Variants in NAGS observed in about 807,000 individuals in gnomAD.
NAGS encodes the protein N-acetylglutamate synthase.
In NAGS, 34 loss-of-function variants were observed where a neutral mutation model predicts 46.9. That is an observed-to-expected ratio of 0.72 (90% CI 0.55 to 0.97). The LOEUF is 0.97. NAGS is among the 50% of genes least tolerant of loss of function. The pLI is 0.00. For synonymous variants in NAGS, 334 were observed against 346.3 expected, an observed-to-expected ratio of 0.96 and a Z score of 0.39; for missense variants, 665 against 747.0, an observed-to-expected ratio of 0.89 and a Z score of 1.28.
In NAGS at chr17:44,005,979, G is replaced by C. The variant is rs748963460; in HGVS notation, c.702-45G>C. The stretch of plus-strand genomic sequence containing the variant: ...TACTCTGCCCGCCCTGCCCCGTCCG[G>C]CAGGCCTGGAGGGGGCCCTCTCGAG... On this transcript the variant is annotated intron_variant, in intron 2 of 6. Coordinates refer to ENST00000293404, the MANE Select transcript of NAGS (RefSeq NM_153006.3). This position sits in a 1 kb window ranked among gnomAD's most constrained non-coding sequence, Gnocchi z 7.2. 4 of 1,561,342 alleles carry C rather than the reference G, an allele frequency of 2.6e-6. No homozygotes were observed. The South Asian group carries it at 3.5e-5, about 14-fold the overall frequency.
In NAGS at chr17:44,006,465, G is replaced by A. The variant is rs2143986537; in HGVS notation, c.916-64G>A. 1 of 1,541,720 alleles carries A rather than the reference G, an allele frequency of 6.5e-7. No homozygotes were observed. Among genetic ancestry groups the A allele is most frequent in the East Asian group, 2.4e-5 (1 of 40,836 alleles). Reference sequence around the variant, plus strand: ...AAGGGGTCAGAGAAAAGAGAGGTCCGTGGGGGTAGGGGGGCAGTCCGTGCC... The same window carrying A: ...AAGGGGTCAGAGAAAAGAGAGGTCCATGGGGGTAGGGGGGCAGTCCGTGCC... On this transcript the variant is annotated intron_variant, in intron 3 of 6. Transcript: ENST00000293404. The surrounding 1 kb of genome is among the most constrained non-coding windows in gnomAD (Gnocchi z 4.8).
Position 44,007,269 on chromosome 17 carries a change from CA to C in NAGS, c.1097-53del. ...CGCCTGTCCTACCTGCAGTCCCCAC[CA>C]GGCTGCGCAAACGGCCCTCCAGCCA... On this transcript the variant is annotated intron_variant, in intron 4 of 6. Coordinates refer to ENST00000293404, the MANE Select transcript of NAGS (RefSeq NM_153006.3). This position sits in a 1 kb window ranked among gnomAD's most constrained non-coding sequence, Gnocchi z 5.1. 6.3e-7 allele frequency: 1 copy of C among 1,585,262 alleles called. No homozygotes were observed. The highest frequency in any genetic ancestry group is 1.1e-5 in the South Asian group (1 of 88,564).
At position 44,007,863 on chromosome 17, in the gene NAGS, C is replaced by T; in HGVS notation, c.1451+90C>T. Reference sequence around the variant, plus strand: ...AACCATGCCAAGAAGGCTGGGCTTCCTCTTCTTCCACTGGTCTCCCTTTCA... The same window carrying T: ...AACCATGCCAAGAAGGCTGGGCTTCTTCTTCTTCCACTGGTCTCCCTTTCA... On this transcript the variant is annotated intron_variant, in intron 6 of 6. Transcript: ENST00000293404. The surrounding 1 kb of genome is among the most constrained non-coding windows in gnomAD (Gnocchi z 5.1). The T allele has an allele frequency of 7.4e-7, 1 of 1,347,496 alleles. No individual in the cohort carries two copies. The highest frequency in any genetic ancestry group is 1.0e-6 in the Non-Finnish European group (1 of 962,744). 83.5% of individuals were successfully genotyped at this position (1,347,496 alleles called of 1,614,324 possible). A position where few individuals can be genotyped will look rare whatever the true frequency, so the allele number is the denominator to read the frequency against.
Position 44,007,498 on chromosome 17 carries a change from A to G in NAGS, c.1268+4A>G. The G allele has an allele frequency of 6.2e-7, 1 of 1,613,632 alleles. No homozygotes were observed. Among genetic ancestry groups the G allele is most frequent in the Non-Finnish European group, 8.5e-7 (1 of 1,179,922 alleles). ...ACTCCATCTACGTCTCCGAGGGGTAAGCCTGCGGACCCCAGAGGGCGGGGT... is the reference window on the plus strand; with the variant it reads ...ACTCCATCTACGTCTCCGAGGGGTAGGCCTGCGGACCCCAGAGGGCGGGGT... On this transcript the variant is annotated splice_donor_region_variant and intron_variant, in intron 5 of 6. Transcript: ENST00000293404. This position sits in a 1 kb window ranked among gnomAD's most constrained non-coding sequence, Gnocchi z 5.1.
chr17:44,006,661 G>T lies in NAGS; in HGVS notation c.1048G>T (p.Val350Phe). ...LSRLPHHSSAVITAASTLLTE... is the reference protein window; with the variant it reads ...LSRLPHHSSAFITAASTLLTE... ...CCGCCTGCCCCACCACTCCTCGGCC[G>T]TCATCACCGCCGCTAGCACGCTGCT... The change falls in exon 4 of 7, where the codon GTC (valine) becomes TTC (phenylalanine). Residue 350 changes from valine to phenylalanine, a missense_variant. Val to Phe is a conservative substitution (Grantham distance 50, BLOSUM62 -1). Transcript: ENST00000293404. The surrounding 1 kb of genome is among the most constrained non-coding windows in gnomAD (Gnocchi z 4.8). 1 of 1,607,360 alleles carries T rather than the reference G, an allele frequency of 6.2e-7. No individual in the cohort carries two copies. Among genetic ancestry groups the T allele is most frequent in the South Asian group, 1.1e-5 (1 of 90,774 alleles).
In NAGS at chr17:44,007,361, C is replaced by T. The variant is rs2049107167; in HGVS notation, c.1135C>T (p.Arg379Trp). ...GTTCAAGAACGCCGAGCGAATGCTACGGGTGCGCAGCCTGGACAAGCTGGA... is the reference window on the plus strand; with the variant it reads ...GTTCAAGAACGCCGAGCGAATGCTATGGGTGCGCAGCCTGGACAAGCTGGA... ...TLFKNAERML[R>W]VRSLDKLDQG... The change falls in exon 5 of 7, where the codon CGG becomes TGG. Residue 379 changes from arginine to tryptophan, a missense_variant. Arg to Trp is a moderately radical substitution (Grantham distance 101, BLOSUM62 -3). Transcript: ENST00000293404. This position sits in a 1 kb window ranked among gnomAD's most constrained non-coding sequence, Gnocchi z 5.1. 1.2e-6 allele frequency: 2 copies of T among 1,601,034 alleles called. No individual in the cohort carries two copies. The highest frequency in any genetic ancestry group is 1.3e-5 in the African/African-American group (1 of 74,290).
intron 6 of NAGS, 100 bp from the exon 7 acceptor site, chr17:44,008,348 A>G: frequency 7.1e-7 from 1 of 1,412,148 alleles, no homozygotes; most frequent in Non-Finnish European, 1.0e-6. Context: ...CCCAGCATGC[A>G]GTAGGTCCTC....
In NAGS at chr17:44,006,817, G is replaced by T. The variant is rs2049099173; in HGVS notation, c.1096+108G>T. On this transcript the variant is annotated intron_variant, in intron 4 of 6. Coordinates refer to ENST00000293404, the MANE Select transcript of NAGS (RefSeq NM_153006.3). The surrounding 1 kb of genome is among the most constrained non-coding windows in gnomAD (Gnocchi z 4.8). ...CTTCTCCTCCTGTCCAGGAGCCGTAGGGGGAGGCGGGGGGTGTCACAGCAA... is the reference window on the plus strand; with the variant it reads ...CTTCTCCTCCTGTCCAGGAGCCGTATGGGGAGGCGGGGGGTGTCACAGCAA... 5.9e-6 allele frequency: 7 copies of T among 1,194,538 alleles called. No homozygotes were observed. The highest frequency in any genetic ancestry group is 1.5e-5 in the African/African-American group (1 of 66,212). The allele number at this position is 1,194,538 out of a possible 1,614,324, so 74.0% of individuals were successfully genotyped here.
rs377138883 is a variant in NAGS, at chr17:44,007,800, G to C, written c.1451+27G>C. 6.0e-4 allele frequency: 937 copies of C among 1,566,870 alleles called. 1 individual carries two copies. The African/African-American group carries it at 7.3e-3, about 12-fold the overall frequency. ...TAGGTCCTGCCACTCCCAGCTCTGG[G>C]CTGGGCCCTGACTTCCCTCCCCTCT... is the stretch of plus-strand genomic sequence containing the variant. On this transcript the variant is annotated intron_variant, in intron 6 of 6. Coordinates refer to ENST00000293404, the MANE Select transcript of NAGS (RefSeq NM_153006.3). This position sits in a 1 kb window ranked among gnomAD's most constrained non-coding sequence, Gnocchi z 5.1.
In NAGS at chr17:44,005,419, A is replaced by C. The variant is rs886507459; in HGVS notation, c.427-218A>C. 6.6e-6 allele frequency among the ~76,000 whole-genome samples: 1 copy of C among 152,200 alleles called. No individual in the cohort carries two copies. ...CTCCCCCAAAGATGTCCCGGAGTCC[A>C]AGGTCGGAGGGAGGAGGGCGGGAGG... On this transcript the variant is annotated intron_variant, in intron 1 of 6. Coordinates refer to ENST00000293404, the MANE Select transcript of NAGS (RefSeq NM_153006.3). The surrounding 1 kb of genome is among the most constrained non-coding windows in gnomAD (Gnocchi z 7.2).
At position 44,006,741 on chromosome 17, in the gene NAGS, C is replaced by G. The variant is rs1201607660; in HGVS notation, c.1096+32C>G. 1 of 1,571,060 alleles carries G rather than the reference C, an allele frequency of 6.4e-7. No homozygotes were observed. Among genetic ancestry groups the G allele is most frequent in the Non-Finnish European group, 8.7e-7 (1 of 1,155,610 alleles). On this transcript the variant is annotated intron_variant, in intron 4 of 6. Transcript: ENST00000293404. The surrounding 1 kb of genome is among the most constrained non-coding windows in gnomAD (Gnocchi z 4.8). The stretch of plus-strand genomic sequence containing the variant: ...GCGGTGGGCGGGCCGGGGACTGGGT[C>G]CCGGGAGTGAGTACTGGCCGGGGCT...
rs766576386 is a variant in NAGS, at chr17:44,007,665, G to C, written c.1343G>C (p.Ser448Thr). The C allele has an allele frequency of 6.2e-7, 1 of 1,602,490 alleles. No individual in the cohort carries two copies. Among genetic ancestry groups the C allele is most frequent in the Admixed American group, 1.7e-5 (1 of 58,690 alleles). The change falls in exon 6 of 7, where the codon AGC becomes ACC. Residue 448 changes from serine (S) to threonine (T), a missense_variant. By Grantham distance (58) the Ser-to-Thr change is moderately conservative. Transcript: ENST00000293404. The surrounding 1 kb of genome is among the most constrained non-coding windows in gnomAD (Gnocchi z 5.1). ...CCGTACCTGGACAAATTTGTGGTGAGCTCCAGCCGCCAGGGCCAAGGCTCC... is the reference window on the plus strand; with the variant it reads ...CCGTACCTGGACAAATTTGTGGTGACCTCCAGCCGCCAGGGCCAAGGCTCC... ...GTPYLDKFVVSSSRQGQGSGQ... is the reference protein window; with the variant it reads ...GTPYLDKFVVTSSRQGQGSGQ...
In NAGS at chr17:44,006,246, C is replaced by T. The variant is rs1253615862; in HGVS notation, c.915+9C>T. The T allele has an allele frequency of 6.2e-7, 1 of 1,612,620 alleles. No homozygotes were observed. The highest frequency in any genetic ancestry group is 1.7e-5 in the Admixed American group (1 of 60,008). On this transcript the variant is annotated intron_variant, in intron 3 of 6. Transcript: ENST00000293404. The surrounding 1 kb of genome is among the most constrained non-coding windows in gnomAD (Gnocchi z 4.8). ...GCGACAGCAGTCATAAGGTGCGGCCCTTTCTTTCACCTTCCCCCACGCCGG... is the reference window on the plus strand; with the variant it reads ...GCGACAGCAGTCATAAGGTGCGGCCTTTTCTTTCACCTTCCCCCACGCCGG...
In NAGS at chr17:44,007,783, G is replaced by C; in HGVS notation, c.1451+10G>C. 1 of 1,571,094 alleles carries C rather than the reference G, an allele frequency of 6.4e-7. No homozygotes were observed. Among genetic ancestry groups the C allele is most frequent in the Non-Finnish European group, 8.6e-7 (1 of 1,156,814 alleles). The stretch of plus-strand genomic sequence containing the variant: ...ACCCCATCAATCCCTGGTAGGTCCT[G>C]CCACTCCCAGCTCTGGGCTGGGCCC... On this transcript the variant is annotated intron_variant, in intron 6 of 6. Transcript: ENST00000293404. This position sits in a 1 kb window ranked among gnomAD's most constrained non-coding sequence, Gnocchi z 5.1.
chr17:44,005,819 G>A lies in NAGS; in HGVS notation c.609G>A (p.Leu203=). 1 of 1,580,010 alleles carries A rather than the reference G, an allele frequency of 6.3e-7. No homozygotes were observed. The highest frequency in any genetic ancestry group is 1.2e-5 in the South Asian group (1 of 86,556). ...KAQLAKSCKV[L]VDALRHNAAA... ...AGCTGGCCAAGAGCTGCAAGGTGCT[G>A]GTAGACGCGCTTCGACACAACGCCG... Residue 203 remains leucine (L), a synonymous_variant, in exon 2 of 7, where the codon CTG becomes CTA. Transcript: ENST00000293404. The surrounding 1 kb of genome is among the most constrained non-coding windows in gnomAD (Gnocchi z 7.2).
Position 44,004,727 on chromosome 17 carries a change from CG to C in NAGS, c.68del (p.Gly23GlufsTer9). The C allele has an allele frequency of 1.3e-6, 2 of 1,488,572 alleles. No homozygotes were observed. Among genetic ancestry groups the C allele is most frequent in the Non-Finnish European group, 8.9e-7 (1 of 1,118,498 alleles). The allele number at this position is 1,488,572 out of a possible 1,614,324, so 92.2% of individuals were successfully genotyped here. A position where few individuals can be genotyped will look rare whatever the true frequency, so the allele number is the denominator to read the frequency against. ...TGCTGTAGCCCCGAGGCTGAGAGGC[CG>C]GGGAGGCACTGGGGGCGCCCGAAGG... is the stretch of plus-strand genomic sequence containing the variant. ...AAAVAPRLRG[R>X]GGTGGARRLS... On this transcript the variant is annotated frameshift_variant, in exon 1 of 7. Coordinates refer to ENST00000293404, the MANE Select transcript of NAGS (RefSeq NM_153006.3). LOFTEE classifies it high-confidence loss of function.
Position 44,005,046 on chromosome 17 carries a change from A to G in NAGS, c.383A>G (p.Gln128Arg). 6.4e-7 allele frequency: 1 copy of G among 1,571,448 alleles called. No homozygotes were observed. The highest frequency in any genetic ancestry group is 8.6e-7 in the Non-Finnish European group (1 of 1,163,440). The change falls in exon 1 of 7, where the codon CAG (glutamine) becomes CGG (arginine). Residue 128 changes from glutamine (Q) to arginine (R), a missense_variant. Transcript: ENST00000293404. This position sits in a 1 kb window ranked among gnomAD's most constrained non-coding sequence, Gnocchi z 7.2. Reference sequence around the variant, plus strand: ...GCGCGCCACTGGCTCACGCAGTTCCAGACCTGCCATCACTCCGCGGACAAG... The same window carrying G: ...GCGCGCCACTGGCTCACGCAGTTCCGGACCTGCCATCACTCCGCGGACAAG... ...GEARHWLTQF[Q>R]TCHHSADKPF... is the part of the protein sequence containing the mutation.
At position 44,006,285 on chromosome 17, in the gene NAGS, C is replaced by T. The variant is rs772990200; in HGVS notation, c.915+48C>T. The T allele has an allele frequency of 4.4e-6, 7 of 1,593,260 alleles. No individual in the cohort carries two copies. In the South Asian group the frequency reaches 7.9e-5, roughly 18 times the overall value. Reference sequence around the variant, plus strand: ...CCCCCACGCCGGCGATCCGGGCCTTCTCTTGCGCCCCTCGCACTTCTCCCC... The same window carrying T: ...CCCCCACGCCGGCGATCCGGGCCTTTTCTTGCGCCCCTCGCACTTCTCCCC... On this transcript the variant is annotated intron_variant, in intron 3 of 6. Coordinates refer to ENST00000293404, the MANE Select transcript of NAGS (RefSeq NM_153006.3). The surrounding 1 kb of genome is among the most constrained non-coding windows in gnomAD (Gnocchi z 4.8).
chr17:44,008,487 G>C lies in NAGS; in HGVS notation c.1491G>C (p.Gln497His), dbSNP rs1377573272. Reference protein sequence around the residue: ...KHSDGSFSNKQWIFFWFGLAD... With the variant: ...KHSDGSFSNKHWIFFWFGLAD... ...GTGATGGCAGCTTCTCCAACAAGCA[G>C]TGGATCTTCTTCTGGTTTGGCCTGG... The change falls in exon 7 of 7, where the codon CAG becomes CAC. Residue 497 changes from glutamine to histidine, a missense_variant. Physicochemically the swap from Gln to His is conservative, Grantham distance 24. Coordinates refer to ENST00000293404, the MANE Select transcript of NAGS (RefSeq NM_153006.3). 1 of 1,614,134 alleles carries C rather than the reference G, an allele frequency of 6.2e-7. No homozygotes were observed. Among genetic ancestry groups the C allele is most frequent in the Non-Finnish European group, 8.5e-7 (1 of 1,180,052 alleles).
Sources: allele counts gnomAD v4.1 joint callset (sites outside exome capture counted in the v4.1 genomes callset), GRCh38; gene constraint gnomAD v4.1.1; non-coding constraint Gnocchi (gnomAD v3.1); transcripts MANE v1.5; gene names NCBI Gene and HGNC (gene_info 2026-07-23, HGNC 2026-07-21).